The following NMRK1 variants were observed in gnomAD, a reference collection of about 807,000 sequenced individuals.
The protein encoded by NMRK1 is nicotinamide riboside kinase 1.
A neutral mutation model predicts 29.9 loss-of-function variants in NMRK1; 28 were observed. That is an observed-to-expected ratio of 0.94 (90% CI 0.69 to 1.28). NMRK1 has a LOEUF of 1.28. Ranked by LOEUF, NMRK1 falls within the 50% of genes most tolerant of loss-of-function variation. The pLI, the probability that NMRK1 is intolerant of heterozygous loss-of-function variation, is 0.00. For synonymous variants in NMRK1, 58 were observed against 73.0 expected, an observed-to-expected ratio of 0.79 and a Z score of 1.05; for missense variants, 218 against 233.1, an observed-to-expected ratio of 0.94 and a Z score of 0.42.
At chr9:75,063,274 C>G (rs1379069673) in intron 8 of NMRK1, among the ~76,000 whole-genome samples, 1 of 136,368 alleles carries the variant, frequency 7.3e-6, no homozygotes, top group Non-Finnish European at 1.5e-5. Flanking sequence ...CCACTGCACT[C>G]CAGCCTGGGC....
At chr9:75,079,345 T>C (rs1365857873) in intron 2 of NMRK1, among the ~76,000 whole-genome samples, 2 of 152,232 alleles carry the variant, frequency 1.3e-5, no homozygotes, top group African/African-American at 2.4e-5. Context: ...CTGTAAACCA[T>C]ACCAAATGTC....
At chr9:75,086,523 C>G (rs893760914) in intron 1 of NMRK1, among the ~76,000 whole-genome samples, 2 of 151,986 alleles carry the variant, frequency 1.3e-5, no homozygotes, top group Non-Finnish European at 2.9e-5. Context: ...TTTTTTTAAC[C>G]CTAAGTAAAA....
At chr9:75,067,559 A>G (rs966098983) in intron 7 of NMRK1, among the ~76,000 whole-genome samples, 1 of 152,212 alleles carries the variant, frequency 6.6e-6, no homozygotes, top group Non-Finnish European at 1.5e-5. Flanking sequence ...ATGAGATTTT[A>G]GAGCAAGGGT....
chr9:75,068,110 T>C (rs7021664), intron 7 of NMRK1, among the ~76,000 whole-genome samples: 143,611 of 152,186 alleles, frequency 0.94, 67,842 homozygotes, highest in East Asian at 1. Context: ...TTCTAACATC[T>C]GTCAGTTGCT....
chr9:75,079,889 C>A (rs1824220270), intron 2 of NMRK1, among the ~76,000 whole-genome samples: 1 of 152,212 alleles, frequency 6.6e-6, no homozygotes, highest in African/African-American at 2.4e-5. Context: ...TGCTACCCAA[C>A]CTGAGGAGAA....
intron 8 of NMRK1, among the ~76,000 whole-genome samples, 195 bp downstream of exon 8, chr9:75,066,562 C>G (rs1823360101): frequency 6.8e-6 from 1 of 146,126 alleles, no homozygotes; most frequent in African/African-American, 2.6e-5. Flanking sequence ...TGGTTTTACC[C>G]CTAAAAACAG....
intron 2 of NMRK1, among the ~76,000 whole-genome samples, chr9:75,079,901 C>A (rs1004427509): frequency 6.6e-5 from 10 of 152,168 alleles, no homozygotes; most frequent in African/African-American, 2.4e-4. Context: ...TGAGGAGAAG[C>A]GTGCCCAGCA....
chr9:75,087,096 CG>C (rs1486881425), intron 1 of NMRK1, among the ~76,000 whole-genome samples: 2 of 151,892 alleles, frequency 1.3e-5, no homozygotes, highest in Admixed American at 6.6e-5. Flanking sequence ...TAGTAGAGAT[CG>C]GGTTTCACCA....
At chr9:75,081,138 A>G (rs561711034) in intron 2 of NMRK1, among the ~76,000 whole-genome samples, 6 of 152,312 alleles carry the variant, frequency 3.9e-5, no homozygotes, top group Non-Finnish European at 2.9e-5. Context: ...AATAATTACT[A>G]AGTTATTACT....
intron 4 of NMRK1, among the ~76,000 whole-genome samples, chr9:75,075,035 G>A (rs1286907904): frequency 6.6e-6 from 1 of 152,120 alleles, no homozygotes; most frequent in Non-Finnish European, 1.5e-5. Context: ...CTGAGCCCAT[G>A]CTATCACTGG....
chr9:75,070,521 A>G (rs181941282), intron 4 of NMRK1, among the ~76,000 whole-genome samples: 3 of 152,358 alleles, frequency 2.0e-5, no homozygotes, highest in Admixed American at 2.0e-4. Flanking sequence ...AAGTCAGACT[A>G]TTTGTAAAGA....
chr9:75,087,031 G>C (rs1293201444), intron 1 of NMRK1, among the ~76,000 whole-genome samples: 1 of 151,566 alleles, frequency 6.6e-6, no homozygotes, highest in Non-Finnish European at 1.5e-5. Context: ...CCAGCCTCCC[G>C]AGTAGCTGGG....
At chr9:75,077,094 G>A (rs1824034626) in intron 4 of NMRK1, 65 bp downstream of exon 4, 1 of 992,344 alleles carries the variant, frequency 1.0e-6, no homozygotes, top group South Asian at 1.4e-5. Context: ...ACATAGTGAA[G>A]TTCTTTGGGT....
At chr9:75,063,887 T>C (rs1049574435) in intron 8 of NMRK1, among the ~76,000 whole-genome samples, 6 of 152,210 alleles carry the variant, frequency 3.9e-5, no homozygotes, top group African/African-American at 1.4e-4. Flanking sequence ...AACTTATTTA[T>C]GTAACTGAGA....
At chr9:75,075,305 T>C (rs1027113077) in intron 4 of NMRK1, among the ~76,000 whole-genome samples, 8 of 152,078 alleles carry the variant, frequency 5.3e-5, no homozygotes, top group African/African-American at 1.9e-4. Context: ...TTTTCACCCT[T>C]ACTTTGTAAT....
chr9:75,087,598 C>T (rs1003565831), intron 1 of NMRK1: 1 of 149,052 alleles, frequency 6.7e-6, no homozygotes, highest in Admixed American at 6.7e-5. Flanking sequence ...CTTTTTATTT[C>T]TTTTCAGTCA....
At chr9:75,069,403 T>G in intron 6 of NMRK1, 1 of 471,634 alleles carries the variant, frequency 2.1e-6, no homozygotes, top group Non-Finnish European at 3.7e-6. Flanking sequence ...GAGACCACTA[T>G]GTTGGATTAA....
chr9:75,069,155 G>T, intron 6 of NMRK1, 53 bp from the exon 7 acceptor site: 2 of 1,251,102 alleles, frequency 1.6e-6, no homozygotes, highest in South Asian at 2.4e-5. Context: ...AATTGATAAA[G>T]TAAAATATGA....
chr9:75,075,129 T>C (rs1823915928), intron 4 of NMRK1, among the ~76,000 whole-genome samples: 1 of 152,260 alleles, frequency 6.6e-6, no homozygotes, highest in Non-Finnish European at 1.5e-5. Context: ...TTGACTTTTA[T>C]TGTACATTTA....
Sources: gnomAD v4.1 joint callset for allele counts (sites outside exome capture counted in the v4.1 genomes callset) on GRCh38, gnomAD v4.1.1 for gene constraint, MANE v1.5 for transcripts, NCBI Gene and HGNC (gene_info 2026-07-23, HGNC 2026-07-21) for gene names.